EXT2: variants seen among roughly 807,000 people sequenced by gnomAD.
The protein encoded by EXT2 is exostosin-2.
A neutral mutation model predicts 81.6 loss-of-function variants in EXT2; 53 were observed. The ratio of observed to expected loss-of-function variants is 0.65; its 90% CI spans 0.52 to 0.82. The LOEUF (loss-of-function observed/expected upper bound fraction) is 0.82. Ranked by LOEUF, EXT2 falls within the 40% of genes least tolerant of loss-of-function variation. The pLI is 0.00. For synonymous variants in EXT2, 320 were observed against 340.0 expected (o/e 0.94, Z 0.65); for missense variants, 774 against 910.2 (o/e 0.85, Z 1.93).
At chr11:44,198,413 G>A (rs1030373519) in intron 9 of EXT2, among the ~76,000 whole-genome samples, 1 of 151,554 alleles carries the variant, frequency 6.6e-6, no homozygotes, top group Non-Finnish European at 1.5e-5. Flanking sequence ...CCTCACTTCT[G>A]ATTGGAAAAG....
intron 13 of EXT2, among the ~76,000 whole-genome samples, chr11:44,241,809 T>C (rs1956040796): frequency 6.6e-6 from 1 of 152,188 alleles, no homozygotes; most frequent in Non-Finnish European, 1.5e-5. Context: ...CCAGCCAAAG[T>C]CCTGTCTCCC....
At chr11:44,176,246 C>T (rs1188262873) in intron 8 of EXT2, among the ~76,000 whole-genome samples, 3 of 152,064 alleles carry the variant, frequency 2.0e-5, no homozygotes, top group Non-Finnish European at 4.4e-5. Context: ...TTATCTAAAG[C>T]TCTAAGAGAT....
rs999909320 is a variant in EXT2 at position 44,245,649 on chromosome 11, C to T, written c.*1362C>T. The stretch of plus-strand genomic sequence containing the variant: ...GAAACCTAGTTGTTTTGCCAGTCAG[C>T]GTCAGTCATACACCATCCATTGTTC... On this transcript the variant is annotated 3_prime_UTR_variant, in exon 14 of 14. Transcript: ENST00000533608. 6.6e-6 allele frequency among the ~76,000 whole-genome samples: 1 copy of T among 152,152 alleles called. No homozygotes were observed. The highest frequency in any genetic ancestry group is 1.5e-5 in the Non-Finnish European group (1 of 68,030).
At chr11:44,105,636 G>A (rs1266570021) in intron 1 of EXT2, among the ~76,000 whole-genome samples, 1 of 152,198 alleles carries the variant, frequency 6.6e-6, no homozygotes, top group Non-Finnish European at 1.5e-5. Flanking sequence ...TGCCAAAATA[G>A]CTTGTTGCAG....
intron 7 of EXT2, among the ~76,000 whole-genome samples, chr11:44,140,594 C>T (rs1954632570): frequency 6.6e-6 from 1 of 152,212 alleles, no homozygotes; most frequent in African/African-American, 2.4e-5. Context: ...TCTTTGGCAT[C>T]TCCTGCCCAG....
chr11:44,130,751 T>C (rs1954481110), intron 7 of EXT2, among the ~76,000 whole-genome samples: 1 of 152,192 alleles, frequency 6.6e-6, no homozygotes, highest in Admixed American at 6.5e-5. Flanking sequence ...TCAAGCAAGG[T>C]GAAAAAGTTA....
intron 4 of EXT2, among the ~76,000 whole-genome samples, chr11:44,119,745 C>A (rs1283056360): frequency 6.6e-6 from 1 of 152,254 alleles, no homozygotes; most frequent in South Asian, 2.1e-4. Flanking sequence ...GGAGAACACT[C>A]AGGCCTGCTA....
intron 10 of EXT2, among the ~76,000 whole-genome samples, chr11:44,208,134 T>C (rs969853990): frequency 1.3e-5 from 2 of 152,232 alleles, no homozygotes; most frequent in African/African-American, 4.8e-5. Context: ...TAGTATACTA[T>C]TATTCCTATT....
intron 4 of EXT2, among the ~76,000 whole-genome samples, chr11:44,118,532 A>T (rs950451558): frequency 6.6e-6 from 1 of 152,146 alleles, no homozygotes; most frequent in Admixed American, 6.5e-5. Context: ...TGTTTCTCTC[A>T]TCTCATTAGT....
At chr11:44,198,798 T>C (rs1955488930) in intron 9 of EXT2, among the ~76,000 whole-genome samples, 1 of 152,222 alleles carries the variant, frequency 6.6e-6, no homozygotes, top group Non-Finnish European at 1.5e-5. Flanking sequence ...GTCTAGTTTA[T>C]TGCCTGACAG....
chr11:44,167,156 G>A (rs927472998), intron 7 of EXT2, among the ~76,000 whole-genome samples: 2 of 152,160 alleles, frequency 1.3e-5, no homozygotes, highest in African/African-American at 4.8e-5. Flanking sequence ...AGAGGTTGGA[G>A]TTAGGGCCTA....
At chr11:44,221,892 T>C (rs1955785675) in intron 10 of EXT2, among the ~76,000 whole-genome samples, 1 of 152,208 alleles carries the variant, frequency 6.6e-6, no homozygotes, top group Non-Finnish European at 1.5e-5. Context: ...GACATAGTGA[T>C]TCCACATTTG....
chr11:44,231,220 G>A (rs1346162293), intron 10 of EXT2, among the ~76,000 whole-genome samples: 1 of 152,124 alleles, frequency 6.6e-6, no homozygotes. Flanking sequence ...GGCACTAGAG[G>A]TGGTAAGAGA....
At chr11:44,112,930 A>T (rs1363661726) in intron 3 of EXT2, among the ~76,000 whole-genome samples, 1 of 152,144 alleles carries the variant, frequency 6.6e-6, no homozygotes, top group Non-Finnish European at 1.5e-5. Context: ...TGAATATTGC[A>T]TCCATGTCTG....
At chr11:44,235,311 T>G (rs1260898167) in intron 12 of EXT2, among the ~76,000 whole-genome samples, 1 of 131,690 alleles carries the variant, frequency 7.6e-6, no homozygotes, top group East Asian at 2.6e-4. Context: ...CTCGGCTCAC[T>G]GCAGCCTCTG....
intron 7 of EXT2, among the ~76,000 whole-genome samples, chr11:44,138,045 G>A (rs1954594603): frequency 6.6e-6 from 1 of 152,174 alleles, no homozygotes; most frequent in Non-Finnish European, 1.5e-5. Context: ...CTTCACAACT[G>A]GGTAGCCTCA....
intron 7 of EXT2, among the ~76,000 whole-genome samples, chr11:44,157,014 A>G (rs1397994224): frequency 7.2e-5 from 11 of 152,224 alleles, no homozygotes; most frequent in Non-Finnish European, 1.5e-5. Flanking sequence ...CACGGATAAG[A>G]TCTGGAAGAA....
At chr11:44,229,395 G>A (rs575273271) in intron 10 of EXT2, among the ~76,000 whole-genome samples, 3 of 152,314 alleles carry the variant, frequency 2.0e-5, no homozygotes, top group South Asian at 2.1e-4. Flanking sequence ...CTATTATGAC[G>A]ATGCCTGCGG....
At chr11:44,203,074 A>G (rs145775317) in intron 9 of EXT2, among the ~76,000 whole-genome samples, 61 of 152,256 alleles carry the variant, frequency 4.0e-4, no homozygotes, top group African/African-American at 1.4e-3. Context: ...TACCTATTTT[A>G]AGTCTAAATC....
Sources: gnomAD v4.1 joint callset for allele counts (sites outside exome capture counted in the v4.1 genomes callset) on GRCh38, gnomAD v4.1.1 for gene constraint, MANE v1.5 for transcripts, NCBI Gene and HGNC (gene_info 2026-07-23, HGNC 2026-07-21) for gene names.